Variants in BIRC6 observed in about 807,000 individuals in gnomAD.
BIRC6 encodes dual E2 ubiquitin-conjugating enzyme/E3 ubiquitin-protein ligase BIRC6.
Under a neutral mutation model 503.3 loss-of-function variants are expected in BIRC6, and 98 were observed. That is an observed-to-expected ratio of 0.19 (90% CI 0.17 to 0.23). The LOEUF (loss-of-function observed/expected upper bound fraction) is 0.23. Among genes scored for constraint, BIRC6 ranks in the 10% least tolerant of loss-of-function variants. The pLI is 1.00. For synonymous variants in BIRC6, 2,240 were observed against 2,078.7 expected, an observed-to-expected ratio of 1.08 and a Z score of -2.11; for missense variants, 5,360 against 5,806.0, an observed-to-expected ratio of 0.92 and a Z score of 2.50.
chr2:32,537,955 A>G (rs1176772469), intron 61 of BIRC6, among the ~76,000 whole-genome samples: 3 of 150,936 alleles, frequency 2.0e-5, no homozygotes, highest in Admixed American at 2.0e-4. Context: ...CGACAGCGAG[A>G]CTCCGTCTCA....
chr2:32,596,519 T>G (rs974370084), intron 68 of BIRC6, among the ~76,000 whole-genome samples: 5 of 150,268 alleles, frequency 3.3e-5, no homozygotes, highest in Admixed American at 2.7e-4. Context: ...ACTCTTTACA[T>G]GGGTCAGGAA....
intron 59 of BIRC6, chr2:32,527,792 T>G (rs1173761268): frequency 6.6e-6 from 1 of 152,226 alleles, no homozygotes; most frequent in Non-Finnish European, 1.5e-5. Context: ...GCTTCAGTTA[T>G]TCATTCATTG....
intron 63 of BIRC6, among the ~76,000 whole-genome samples, chr2:32,547,377 C>A (rs2058123473): frequency 6.6e-6 from 1 of 152,144 alleles, no homozygotes; most frequent in Non-Finnish European, 1.5e-5. Context: ...ACCCCTTCCC[C>A]CAGCCCCTGG....
At chr2:32,446,946 T>C (rs1486247617) in intron 21 of BIRC6, among the ~76,000 whole-genome samples, 15 of 109,604 alleles carry the variant, frequency 1.4e-4, no homozygotes, top group Admixed American at 9.6e-4. Flanking sequence ...TAGGGAGTGG[T>C]GATGACTCTT....
chr2:32,496,102 A>G (rs180937354), intron 45 of BIRC6, among the ~76,000 whole-genome samples: 2 of 152,258 alleles, frequency 1.3e-5, no homozygotes, highest in South Asian at 4.1e-4. Context: ...AAGTGCTGGG[A>G]TTACAGGCAT....
intron 1 of BIRC6, among the ~76,000 whole-genome samples, chr2:32,361,246 A>G (rs2034033760): frequency 6.6e-6 from 1 of 152,012 alleles, no homozygotes; most frequent in Non-Finnish European, 1.5e-5. Flanking sequence ...TAATATATAC[A>G]GTATAAACTC....
At chr2:32,598,627 C>G (rs993714568) in intron 69 of BIRC6, among the ~76,000 whole-genome samples, 1 of 152,092 alleles carries the variant, frequency 6.6e-6, no homozygotes, top group Admixed American at 6.6e-5. Flanking sequence ...AGAAAACTTT[C>G]TTTATATTTA....
At chr2:32,505,239 A>T in intron 50 of BIRC6, 34 bp downstream of exon 50, 3 of 1,471,846 alleles carry the variant, frequency 2.0e-6, no homozygotes, top group Non-Finnish European at 2.8e-6. Flanking sequence ...CATCATGAGA[A>T]CAAGCTTTAA....
chr2:32,541,276 C>G (rs2057643204), intron 61 of BIRC6, among the ~76,000 whole-genome samples: 1 of 152,030 alleles, frequency 6.6e-6, no homozygotes. Flanking sequence ...AAAAGTGCCT[C>G]AAATTCCTAT....
intron 37 of BIRC6, among the ~76,000 whole-genome samples, chr2:32,480,992 G>T (rs1047723508): frequency 6.6e-6 from 1 of 151,838 alleles, no homozygotes; most frequent in African/African-American, 2.4e-5. Flanking sequence ...CTTTAATACT[G>T]GGTAACATTA....
chr2:32,484,063 A>G (rs1225763739), intron 39 of BIRC6, among the ~76,000 whole-genome samples: 5 of 152,106 alleles, frequency 3.3e-5, no homozygotes, highest in Non-Finnish European at 7.4e-5. Flanking sequence ...CCTAGAATCA[A>G]GAAGCAGTTC....
At chr2:32,489,767 G>C (rs1047279662) in intron 42 of BIRC6, among the ~76,000 whole-genome samples, 1 of 152,186 alleles carries the variant, frequency 6.6e-6, no homozygotes, top group African/African-American at 2.4e-5. Flanking sequence ...AAGTAGAAAT[G>C]CCTATGGTTT....
chr2:32,423,240 A>G (rs1284061886), intron 10 of BIRC6, among the ~76,000 whole-genome samples: 1 of 152,122 alleles, frequency 6.6e-6, no homozygotes, highest in African/African-American at 2.4e-5. Context: ...TGAGACTCTC[A>G]GTTCTTAAGA....
At chr2:32,580,624 T>A in intron 66 of BIRC6, among the ~76,000 whole-genome samples, 1 of 152,178 alleles carries the variant, frequency 6.6e-6, no homozygotes, top group Non-Finnish European at 1.5e-5. Context: ...GCAGCTCTCA[T>A]CAGGTTTGCA....
intron 35 of BIRC6, 136 bp from the exon 36 acceptor site, chr2:32,478,499 A>AT (rs973189153): frequency 3.2e-5 from 20 of 619,998 alleles, no homozygotes; most frequent in South Asian, 4.5e-5. Context: ...ATCTCAAGCA[A>AT]TTTTTTTTGA....
chr2:32,435,619 G>A, intron 14 of BIRC6, 34 bp downstream of exon 14: 1 of 1,533,232 alleles, frequency 6.5e-7, no homozygotes. Flanking sequence ...GTCCATGACA[G>A]TAAAAGGAGT....
intron 38 of BIRC6, 52 bp from the exon 39 acceptor site, chr2:32,482,377 C>T (rs1487861368): frequency 2.6e-5 from 41 of 1,564,924 alleles, no homozygotes; most frequent in Non-Finnish European, 3.4e-5. Context: ...AATAACGTGT[C>T]ATTCAGCCAA....
At chr2:32,474,567 C>T (rs1403600685) in intron 33 of BIRC6, among the ~76,000 whole-genome samples, 1 of 152,128 alleles carries the variant, frequency 6.6e-6, no homozygotes, top group Non-Finnish European at 1.5e-5. Flanking sequence ...ATGGTTGTAA[C>T]TGTGATTTGT....
intron 2 of BIRC6, 127 bp downstream of exon 2, chr2:32,377,896 A>G (rs2037044605): frequency 1.3e-6 from 1 of 752,472 alleles, no homozygotes; most frequent in South Asian, 2.4e-5. Flanking sequence ...CAATTTACTT[A>G]TTGACCACAA....
Sources: allele counts gnomAD v4.1 joint callset (sites outside exome capture counted in the v4.1 genomes callset), GRCh38; gene constraint gnomAD v4.1.1; transcripts MANE v1.5; gene names NCBI Gene and HGNC (gene_info 2026-07-23, HGNC 2026-07-21).